Variants in HTT observed in about 807,000 individuals in gnomAD.
HTT encodes the protein huntingtin, also known as huntington disease protein.
Under a neutral mutation model 362.3 loss-of-function variants are expected in HTT, and 104 were observed. The ratio of observed to expected loss-of-function variants is 0.29; its 90% CI spans 0.24 to 0.34. The LOEUF (loss-of-function observed/expected upper bound fraction) is 0.34. Among genes scored for constraint, HTT ranks in the 10% least tolerant of loss-of-function variants. HTT has a pLI of 1.00. For synonymous variants in HTT, 1,577 were observed against 1,548.7 expected (o/e 1.02, Z -0.43); for missense variants, 3,301 against 3,928.6 (o/e 0.84, Z 4.27).
rs541029892 is a variant in HTT, at chr4:3,111,417, C to T, written c.748-3887C>T. Among the ~76,000 whole-genome samples the T allele has an allele frequency of 2.2e-3, 337 of 152,274 alleles. 3 individuals carry two copies. The highest frequency in any genetic ancestry group is 7.7e-3 in the African/African-American group (318 of 41,562). Reference sequence around the variant, plus strand: ...CCATGTTGGCCAGGCTGGTCTCGAACGCCTGACCTCAGGTGATCCGCCTGC... The same window carrying T: ...CCATGTTGGCCAGGCTGGTCTCGAATGCCTGACCTCAGGTGATCCGCCTGC... On this transcript the variant is annotated intron_variant, in intron 6 of 66. Coordinates refer to ENST00000355072, the MANE Select transcript of HTT (RefSeq NM_001388492.1).
Position 3,199,866 on chromosome 4 carries a change from C to G in HTT, c.5503C>G (p.Leu1835Val). 2.5e-6 allele frequency: 4 copies of G among 1,614,154 alleles called. No individual in the cohort carries two copies. The highest frequency in any genetic ancestry group is 3.4e-6 in the Non-Finnish European group (4 of 1,180,040). Reference protein sequence around the residue: ...MITTHPALVLLWCQILLLVNH... With the variant: ...MITTHPALVLVWCQILLLVNH... ...CACCACCCACCCGGCCCTGGTGCTG[C>G]TCTGGTGTCAGATACTGCTGCTTGT... The change falls in exon 41 of 67, where the codon CTC (leucine) becomes GTC (valine). Residue 1835 changes from leucine to valine, a missense_variant. By Grantham distance (32) the Leu-to-Val change is conservative. Coordinates refer to ENST00000355072, the MANE Select transcript of HTT (RefSeq NM_001388492.1).
chr4:3,147,907 A>G (rs1233315462), intron 25 of HTT, 98 bp from the exon 26 acceptor site: 6 of 909,956 alleles, frequency 6.6e-6, no homozygotes, highest in Admixed American at 5.2e-5. Context: ...TGTCTGGCCA[A>G]CTCTCAACAT....
intron 47 of HTT, among the ~76,000 whole-genome samples, chr4:3,210,610 G>T (rs111824039): frequency 0.011 from 820 of 71,838 alleles, 4 homozygotes; most frequent in Non-Finnish European, 0.016. Flanking sequence ...TGTGAGCAGT[G>T]GGGGGGCCAC....
intron 1 of HTT, among the ~76,000 whole-genome samples, chr4:3,084,150 G>T (rs546461182): frequency 6.6e-6 from 1 of 151,404 alleles, no homozygotes; most frequent in African/African-American, 2.4e-5. Flanking sequence ...GGTGAATGTG[G>T]TTATAAAAGG....
intron 37 of HTT, among the ~76,000 whole-genome samples, chr4:3,183,491 T>G (rs75237171): frequency 0.014 from 2,097 of 152,348 alleles, 40 homozygotes; most frequent in African/African-American, 0.044. Context: ...CTACTCTGTA[T>G]AGTACGAGTA....
At chr4:3,130,645 A>T (rs1405401038) in intron 14 of HTT, among the ~76,000 whole-genome samples, 1 of 152,138 alleles carries the variant, frequency 6.6e-6, no homozygotes, top group Admixed American at 6.5e-5. Context: ...TGTGCCCCAG[A>T]CAAATCTATT....
In HTT at chr4:3,233,186, C is replaced by G. The variant is rs1261860147; in HGVS notation, c.8289C>G (p.Val2763=). 6.9e-6 allele frequency: 11 copies of G among 1,590,818 alleles called. No individual in the cohort carries two copies. The South Asian group carries it at 8.9e-5, about 13-fold the overall frequency. The change falls in exon 61 of 67, where the codon GTC becomes GTG. Residue 2763 remains valine, a synonymous_variant. Coordinates refer to ENST00000355072, the MANE Select transcript of HTT (RefSeq NM_001388492.1). ...LGMDKAVAEP[V]SRLLESTLRS... ...AGGACAAGGCCGTGGCGGAGCCTGTCAGCCGCCTGCTGGAGAGCACGCTCA... is the reference window on the plus strand; with the variant it reads ...AGGACAAGGCCGTGGCGGAGCCTGTGAGCCGCCTGCTGGAGAGCACGCTCA...
intron 38 of HTT, 40 bp downstream of exon 38, chr4:3,186,759 C>G (rs752662800): frequency 5.1e-6 from 8 of 1,579,856 alleles, no homozygotes; most frequent in Non-Finnish European, 6.9e-6. Flanking sequence ...ATCTGGACGG[C>G]TTGTTCAGGC....
chr4:3,194,906 A>T (rs544193283), intron 40 of HTT, among the ~76,000 whole-genome samples: 60 of 152,292 alleles, frequency 3.9e-4, no homozygotes, highest in African/African-American at 1.4e-3. Context: ...GGAGCAATGG[A>T]ATTTTCTCAT....
At chr4:3,185,400 T>C (rs931073187) in intron 37 of HTT, among the ~76,000 whole-genome samples, 1 of 152,128 alleles carries the variant, frequency 6.6e-6, no homozygotes, top group Non-Finnish European at 1.5e-5. Context: ...ATCCTGGAGC[T>C]CAAGTCAGTT....
chr4:3,185,833 G>A (rs1718733289), intron 37 of HTT, among the ~76,000 whole-genome samples: 1 of 152,106 alleles, frequency 6.6e-6, no homozygotes, highest in Non-Finnish European at 1.5e-5. Context: ...AGGATCACTT[G>A]AGCCCATTCG....
intron 32 of HTT, 36 bp downstream of exon 32, chr4:3,174,835 G>A (rs769668132): frequency 1.8e-5 from 28 of 1,598,312 alleles, no homozygotes; most frequent in Admixed American, 6.7e-5. Flanking sequence ...GAACTCAGGC[G>A]TGTCAGTGCT....
In HTT at chr4:3,209,955, G is replaced by T. The variant is rs779052042; in HGVS notation, c.6414+6G>T. The T allele has an allele frequency of 4.3e-6, 7 of 1,613,336 alleles. No individual in the cohort carries two copies. The South Asian group carries it at 7.7e-5, about 18-fold the overall frequency. ...ATGCCTTCATGATGAACTCGGTACG[G>T]GGGGAGCAGTGGAGGCAAGGAATCC... On this transcript the variant is annotated splice_donor_region_variant and intron_variant, in intron 47 of 66. Transcript: ENST00000355072.
intron 40 of HTT, among the ~76,000 whole-genome samples, chr4:3,197,283 G>A (rs1490735983): frequency 5.3e-5 from 8 of 152,042 alleles, no homozygotes; most frequent in Non-Finnish European, 7.3e-5. Context: ...GCTGGTCCTT[G>A]TAGTCCTGGC....
At chr4:3,102,151 T>C (rs547126282) in intron 3 of HTT, among the ~76,000 whole-genome samples, 1 of 151,816 alleles carries the variant, frequency 6.6e-6, no homozygotes, top group Admixed American at 6.6e-5. Context: ...GGAGTCCAGG[T>C]GGGAGTGAGT....
chr4:3,154,227 A>G (rs1717035490), intron 26 of HTT, 66 bp from the exon 27 acceptor site: 2 of 1,281,990 alleles, frequency 1.6e-6, no homozygotes, highest in East Asian at 5.1e-5. Context: ...TCTAATTTTC[A>G]GTTTTGTTAT....
At position 3,129,939 on chromosome 4, in the gene HTT, G is replaced by A. The variant is rs1342156429; in HGVS notation, c.1759G>A (p.Asp587Asn). 7 of 1,614,024 alleles carry A rather than the reference G, an allele frequency of 4.3e-6. No homozygotes were observed. The highest frequency in any genetic ancestry group is 2.2e-5 in the East Asian group (1 of 44,878). ...DSSEIVLDGT[D>N]NQYLGLQIGQ... The stretch of plus-strand genomic sequence containing the variant: ...AACCGTTTAGGTGTTAGACGGTACC[G>A]ACAACCAGTATTTGGGCCTGCAGAT... Residue 587 changes from aspartate (D) to asparagine (N), a missense_variant, in exon 13 of 67, where the codon GAC becomes AAC. Asp to Asn is a conservative substitution (Grantham distance 23). Coordinates refer to ENST00000355072, the MANE Select transcript of HTT (RefSeq NM_001388492.1).
intron 8 of HTT, among the ~76,000 whole-genome samples, chr4:3,118,518 C>T (rs565958637): frequency 2.0e-5 from 3 of 152,192 alleles, no homozygotes; most frequent in Admixed American, 6.5e-5. Context: ...TTTGCTAAGT[C>T]CCAGGAGTGA....
chr4:3,084,013 C>G (rs960121435), intron 1 of HTT, among the ~76,000 whole-genome samples: 1 of 152,026 alleles, frequency 6.6e-6, no homozygotes, highest in Non-Finnish European at 1.5e-5. Context: ...GTTATACATA[C>G]TGTATGATTC....
Sources: gnomAD v4.1 joint callset for allele counts (sites outside exome capture counted in the v4.1 genomes callset) on GRCh38, gnomAD v4.1.1 for gene constraint, MANE v1.5 for transcripts, NCBI Gene and HGNC (gene_info 2026-07-23, HGNC 2026-07-21) for gene names.